The following SLC6A9 variants were observed in gnomAD, a reference collection of about 807,000 sequenced individuals.
The protein encoded by SLC6A9 is solute carrier family 6 member 9.
In SLC6A9, 31 loss-of-function variants were observed where a neutral mutation model predicts 70.9. The observed-to-expected ratio is 0.44, with a 90% CI of 0.33 to 0.59. SLC6A9 has a LOEUF of 0.59. Ranked by LOEUF, SLC6A9 falls within the 20% of genes least tolerant of loss-of-function variation. The pLI, the probability that SLC6A9 is intolerant of heterozygous loss-of-function variation, is 0.04. For missense variants in SLC6A9, 631 were observed against 845.2 expected (o/e 0.75, Z 3.14); for synonymous variants, 310 against 341.3 (o/e 0.91, Z 1.01).
At chr1:44,009,619 G>A (rs528576877) in intron 4 of SLC6A9, among the ~76,000 whole-genome samples, 54 of 152,344 alleles carry the variant, frequency 3.5e-4, no homozygotes, top group Admixed American at 2.7e-3. Flanking sequence ...GATTACAGGC[G>A]TGAGCCACTG....
At chr1:44,006,479 T>C (rs2086316061) in intron 5 of SLC6A9, among the ~76,000 whole-genome samples, 2 of 146,080 alleles carry the variant, frequency 1.4e-5, no homozygotes, top group Admixed American at 1.4e-4. Context: ...TCCCAGCTAC[T>C]AGGGAGGCTG....
intron 2 of SLC6A9, among the ~76,000 whole-genome samples, chr1:44,023,931 C>G (rs2086933887): frequency 6.6e-6 from 1 of 152,244 alleles, no homozygotes; most frequent in Non-Finnish European, 1.5e-5. Flanking sequence ...TCAGCACAGA[C>G]TGAAGGCGCC....
chr1:44,011,365 G>A (rs1417716293), intron 2 of SLC6A9, among the ~76,000 whole-genome samples: 2 of 152,142 alleles, frequency 1.3e-5, no homozygotes, highest in African/African-American at 4.8e-5. Flanking sequence ...GCAGGCGACT[G>A]CGGGGGAGGG....
At chr1:44,029,586 C>T (rs1051035226) in intron 1 of SLC6A9, among the ~76,000 whole-genome samples, 1 of 152,206 alleles carries the variant, frequency 6.6e-6, no homozygotes, top group Non-Finnish European at 1.5e-5. Context: ...AGGTCCTCCC[C>T]GTTGCTGTCA....
chr1:44,015,647 C>T (rs768933626), intron 2 of SLC6A9, among the ~76,000 whole-genome samples: 1 of 152,256 alleles, frequency 6.6e-6, no homozygotes, highest in Non-Finnish European at 1.5e-5. Flanking sequence ...GACCTCCTTC[C>T]GGCCAGGCAC....
intron 3 of SLC6A9, 37 bp from the exon 4 acceptor site, chr1:44,010,133 T>C: frequency 6.2e-7 from 1 of 1,610,922 alleles, no homozygotes; most frequent in Non-Finnish European, 8.5e-7. Flanking sequence ...AGGAGTGGGC[T>C]TGGAGGGATC....
Position 44,002,259 on chromosome 1 carries a change from AG to A in SLC6A9, c.962+53del. On this transcript the variant is annotated intron_variant, in intron 8 of 13. Coordinates refer to ENST00000372310, the MANE Select transcript of SLC6A9 (RefSeq NM_001024845.3). This position sits in a 1 kb window ranked among gnomAD's most constrained non-coding sequence, Gnocchi z 5.5. ...CCATGGCTGCACTGGAGCTGAGATC[AG>A]GCTGCAGAGAGTGCAGGAAGGGGGC... is the stretch of plus-strand genomic sequence containing the variant. 1 of 1,283,238 alleles carries A rather than the reference AG, an allele frequency of 7.8e-7. No individual in the cohort carries two copies. The highest frequency in any genetic ancestry group is 1.1e-6 in the Non-Finnish European group (1 of 878,776). The allele number at this position is 1,283,238 out of a possible 1,614,324, so 79.5% of individuals were successfully genotyped here.
At chr1:44,028,125 G>A (rs1430872663) in intron 1 of SLC6A9, among the ~76,000 whole-genome samples, 1 of 152,194 alleles carries the variant, frequency 6.6e-6, no homozygotes, top group Non-Finnish European at 1.5e-5. Flanking sequence ...GTCTAAAGAA[G>A]TTAATTAGGC....
rs372577720 is a variant in SLC6A9 at position 44,000,928 on chromosome 1, G to A, written c.1435+28C>T. On this transcript the variant is annotated intron_variant, in intron 11 of 13. Coordinates refer to ENST00000372310, the MANE Select transcript of SLC6A9 (RefSeq NM_001024845.3). ...GAGTGGGCGGGCCAAGGGCCGGGTC[G>A]CGGGAGGCCGGAGGCTCGAGTGCTC... is the stretch of plus-strand genomic sequence containing the variant. 4.4e-6 allele frequency: 7 copies of A among 1,600,788 alleles called. No homozygotes were observed. The African/African-American group carries it at 5.4e-5, about 12-fold the overall frequency.
Position 44,018,255 on chromosome 1 carries a change from T to C in SLC6A9, c.30+5993A>G, listed in dbSNP as rs144196818. 6.6e-6 allele frequency among the ~76,000 whole-genome samples: 1 copy of C among 152,202 alleles called. No homozygotes were observed. The highest frequency in any genetic ancestry group is 1.9e-4 in the East Asian group (1 of 5,178). On this transcript the variant is annotated intron_variant, in intron 2 of 13. Coordinates refer to ENST00000372310, the MANE Select transcript of SLC6A9 (RefSeq NM_001024845.3). This position sits in a 1 kb window ranked among gnomAD's most constrained non-coding sequence, Gnocchi z 4.2. ...GAGTTTGGTGAGTGTGGCAACCCCG[T>C]AGGGAACATAAGGAGTTTTGTCAAG...
At position 44,008,615 on chromosome 1, in the gene SLC6A9, A is replaced by G. The variant is rs2086413738; in HGVS notation, c.328T>C (p.Tyr110His). ...TAGGTGGACACCACCATCATACCATAGCCCACTCCTGCAGGAGGGGAGGGG... is the reference window on the plus strand; with the variant it reads ...TAGGTGGACACCACCATCATACCATGGCCCACTCCTGCAGGAGGGGAGGGG... ...RISPMFKGVG[Y>H]GMMVVSTYIG... is the part of the protein sequence containing the mutation. Residue 110 changes from tyrosine to histidine, a missense_variant, in exon 5 of 14, where the codon TAT becomes CAT. Tyr to His is a moderately conservative substitution (Grantham distance 83, BLOSUM62 2). Coordinates refer to ENST00000372310, the MANE Select transcript of SLC6A9 (RefSeq NM_001024845.3). 1 of 1,613,244 alleles carries G rather than the reference A, an allele frequency of 6.2e-7. No individual in the cohort carries two copies. The highest frequency in any genetic ancestry group is 8.5e-7 in the Non-Finnish European group (1 of 1,179,546).
At chr1:44,009,096 G>A (rs1330102120) in intron 4 of SLC6A9, among the ~76,000 whole-genome samples, 8 of 143,234 alleles carry the variant, frequency 5.6e-5, no homozygotes, top group African/African-American at 1.6e-4. Context: ...GCGCGATCTC[G>A]GCTCACTGCA....
chr1:44,029,821 T>C (rs956482265), intron 1 of SLC6A9, among the ~76,000 whole-genome samples: 1 of 152,232 alleles, frequency 6.6e-6, no homozygotes, highest in Non-Finnish European at 1.5e-5. Context: ...GCATGCTCAG[T>C]GTCGCCCATT....
chr1:44,021,857 C>A (rs1424061213), intron 2 of SLC6A9, among the ~76,000 whole-genome samples: 1 of 152,222 alleles, frequency 6.6e-6, no homozygotes, highest in Non-Finnish European at 1.5e-5. Context: ...TGTCTAGAGA[C>A]AAGCACTGAA....
intron 2 of SLC6A9, chr1:44,017,473 G>A: frequency 4.4e-6 from 3 of 683,034 alleles, no homozygotes; most frequent in Non-Finnish European, 6.0e-6. Context: ...GACGCTGTCT[G>A]AGCCCACAGG....
intron 5 of SLC6A9, among the ~76,000 whole-genome samples, chr1:44,006,503 G>A (rs1227314143): frequency 2.1e-5 from 3 of 142,524 alleles, no homozygotes; most frequent in East Asian, 2.1e-4. Flanking sequence ...CAGGAGAATC[G>A]CTTACCCCGG....
rs200761693 is a variant in SLC6A9, at chr1:44,001,526, T to G, written c.1064A>C (p.Asp355Ala). 17 of 1,614,056 alleles carry G rather than the reference T, an allele frequency of 1.1e-5. No homozygotes were observed. Among genetic ancestry groups the G allele is most frequent in the Non-Finnish European group, 1.4e-5 (16 of 1,180,028 alleles). The change falls in exon 9 of 14, where the codon GAT becomes GCT. Residue 355 changes from aspartate (D) to alanine (A), a missense_variant. By Grantham distance (126) the Asp-to-Ala change is moderately radical (BLOSUM62 -2). Transcript: ENST00000372310. ...GCCGTGGTCTGCCACACGGGACACATCCACGCCCAGGTGATTGGCCATGAA... is the reference window on the plus strand; with the variant it reads ...GCCGTGGTCTGCCACACGGGACACAGCCACGCCCAGGTGATTGGCCATGAA... Reference protein sequence around the residue: ...LGFMANHLGVDVSRVADHGPG... With the variant: ...LGFMANHLGVAVSRVADHGPG...
chr1:44,022,409 C>G (rs969559396), intron 2 of SLC6A9, among the ~76,000 whole-genome samples: 1 of 152,136 alleles, frequency 6.6e-6, no homozygotes, highest in Admixed American at 6.6e-5. Context: ...AAGGTGGGGC[C>G]ATGTTTGGGT....
At chr1:44,028,859 C>T (rs945065203) in intron 1 of SLC6A9, among the ~76,000 whole-genome samples, 6 of 151,924 alleles carry the variant, frequency 3.9e-5, no homozygotes, top group Non-Finnish European at 7.4e-5. Flanking sequence ...AATGAAGGGG[C>T]TCAGGTTAGG....
Sources: gnomAD v4.1 joint callset for allele counts (sites outside exome capture counted in the v4.1 genomes callset) on GRCh38, gnomAD v4.1.1 for gene constraint, Gnocchi (gnomAD v3.1) non-coding constraint, MANE v1.5 for transcripts, NCBI Gene and HGNC (gene_info 2026-07-23, HGNC 2026-07-21) for gene names.